SLC24A2: variants seen among roughly 807,000 people sequenced by gnomAD.
SLC24A2 encodes sodium/potassium/calcium exchanger 2.
A neutral mutation model predicts 62.0 loss-of-function variants in SLC24A2; 36 were observed. The observed-to-expected ratio is 0.58, with a 90% CI of 0.44 to 0.77. SLC24A2 has a LOEUF of 0.77. Ranked by LOEUF, SLC24A2 falls within the 30% of genes least tolerant of loss-of-function variation. The pLI, the probability that SLC24A2 is intolerant of heterozygous loss-of-function variation, is 0.00. For synonymous variants in SLC24A2, 358 were observed against 294.0 expected (o/e 1.22, Z -2.23); for missense variants, 846 against 817.9 (o/e 1.03, Z -0.42).
At chr9:19,700,004 G>A (rs574905417) in intron 2 of SLC24A2, among the ~76,000 whole-genome samples, 19 of 152,226 alleles carry the variant, frequency 1.2e-4, no homozygotes, top group Non-Finnish European at 2.6e-4. Flanking sequence ...GGGCAAAAGA[G>A]TCCCGAGCCT....
At chr9:19,756,903 C>CTTTTTTTTTTTTTTTTTTTTTTTTT (rs780450451) in intron 2 of SLC24A2, among the ~76,000 whole-genome samples, 2 of 78,536 alleles carry the variant, frequency 2.5e-5, no homozygotes, top group Non-Finnish European at 4.5e-5. Context: ...TTTACTGAAG[C>CTTTTTTTTTTTTTTTTTTTTTTTTT]TTTTTTTTTT....
At chr9:19,894,135 G>A in the SLC24A2 span, among the ~76,000 whole-genome samples, 1 of 152,220 alleles carries the variant, frequency 6.6e-6, no homozygotes, top group East Asian at 1.9e-4. Context: ...GAAAAGGGAT[G>A]TTGAAAGACA....
chr9:19,676,197 C>A (rs1344878428), intron 2 of SLC24A2, among the ~76,000 whole-genome samples: 1 of 152,212 alleles, frequency 6.6e-6, no homozygotes, highest in Non-Finnish European at 1.5e-5. Context: ...TTCACACTTT[C>A]ACACTTCAGG....
the SLC24A2 span, among the ~76,000 whole-genome samples, chr9:19,857,450 A>G: frequency 1.3e-5 from 2 of 152,206 alleles, no homozygotes; most frequent in Admixed American, 1.3e-4. Context: ...TTTGAGGGCC[A>G]TTATTCAGTC....
chr9:19,709,881 C>T (rs1247494637), intron 2 of SLC24A2, among the ~76,000 whole-genome samples: 2 of 151,028 alleles, frequency 1.3e-5, no homozygotes, highest in African/African-American at 4.9e-5. Flanking sequence ...GCACATGTAC[C>T]CTAAAGCTTA....
chr9:20,186,927 G>A, the SLC24A2 span, among the ~76,000 whole-genome samples: 1 of 152,102 alleles, frequency 6.6e-6, no homozygotes, highest in South Asian at 2.1e-4. Flanking sequence ...GTGTGGGTGG[G>A]AGTGGAGCAT....
chr9:20,288,575 C>A, the SLC24A2 span, among the ~76,000 whole-genome samples: 1 of 151,932 alleles, frequency 6.6e-6, no homozygotes, highest in Non-Finnish European at 1.5e-5. Context: ...TTGAGACCAG[C>A]CTGGCCAATA....
intron 2 of SLC24A2, among the ~76,000 whole-genome samples, chr9:19,665,289 G>A (rs1223713855): frequency 6.6e-6 from 1 of 152,178 alleles, no homozygotes; most frequent in African/African-American, 2.4e-5. Context: ...GGTGGCAGTG[G>A]AGATGAGAAG....
rs115998308 is a variant in SLC24A2, at chr9:19,669,012, C to T, written c.931-46713G>A. On this transcript the variant is annotated intron_variant, in intron 2 of 10. Transcript: ENST00000341998. The stretch of plus-strand genomic sequence containing the variant: ...GAAGGTTTTATAAATATTCTTGCTC[C>T]CTCGGCACTTGGCCTGGTAATTTGA... 6.8e-3 allele frequency among the ~76,000 whole-genome samples: 1,035 copies of T among 152,206 alleles called. 12 individuals are homozygous for T. Among genetic ancestry groups the T allele is most frequent in the African/African-American group, 0.022 (896 of 41,522 alleles).
At chr9:20,082,534 C>A in the SLC24A2 span, among the ~76,000 whole-genome samples, 4 of 152,242 alleles carry the variant, frequency 2.6e-5, no homozygotes, top group Non-Finnish European at 4.4e-5. Context: ...ATCCCACCAG[C>A]CTCCCATGCT....
chr9:20,259,513 G>A, the SLC24A2 span, among the ~76,000 whole-genome samples: 1 of 152,088 alleles, frequency 6.6e-6, no homozygotes, highest in African/African-American at 2.4e-5. Flanking sequence ...TAGGAGATGA[G>A]CAGTGGTTGA....
chr9:19,678,327 T>G (rs1008363952), intron 2 of SLC24A2, among the ~76,000 whole-genome samples: 52 of 152,188 alleles, frequency 3.4e-4, no homozygotes, highest in African/African-American at 1.3e-3. Flanking sequence ...GTAAGAAGCT[T>G]TGCACCTCAT....
the SLC24A2 span, among the ~76,000 whole-genome samples, chr9:19,852,311 C>A: frequency 6.6e-6 from 1 of 152,156 alleles, no homozygotes. Context: ...TGCGTAGAAG[C>A]TCTTTAGTTT....
chr9:19,789,979 A>G (rs1823290657), upstream of SLC24A2, among the ~76,000 whole-genome samples: 1 of 152,178 alleles, frequency 6.6e-6, no homozygotes, highest in Admixed American at 6.5e-5. Context: ...GACTTAGAGT[A>G]CAGCTCTGTA....
chr9:20,135,712 G>T, the SLC24A2 span, among the ~76,000 whole-genome samples: 13 of 152,092 alleles, frequency 8.5e-5, no homozygotes, highest in Middle Eastern at 3.4e-3. Flanking sequence ...TTATGTGCTC[G>T]AACTAGTTTT....
intron 2 of SLC24A2, among the ~76,000 whole-genome samples, chr9:19,769,406 C>A (rs2118885986): frequency 6.6e-6 from 1 of 152,366 alleles, no homozygotes; most frequent in Admixed American, 6.5e-5. Context: ...TGCTCACACA[C>A]TTGACCCTAC....
intron 7 of SLC24A2, among the ~76,000 whole-genome samples, chr9:19,553,457 T>G (rs1414538763): frequency 6.6e-6 from 1 of 152,210 alleles, no homozygotes; most frequent in Non-Finnish European, 1.5e-5. Context: ...TTAAAATAGT[T>G]TGATATCTGC....
At chr9:19,737,027 G>A (rs1821531054) in intron 2 of SLC24A2, among the ~76,000 whole-genome samples, 1 of 152,158 alleles carries the variant, frequency 6.6e-6, no homozygotes, top group Non-Finnish European at 1.5e-5. Flanking sequence ...CTTCTGCCAG[G>A]AATTGATAGA....
chr9:19,689,585 G>T (rs1267029754), intron 2 of SLC24A2, among the ~76,000 whole-genome samples: 2 of 152,102 alleles, frequency 1.3e-5, no homozygotes, highest in African/African-American at 2.4e-5. Context: ...TTGACATGCT[G>T]GGGAAAGGGC....
Sources: gnomAD v4.1 joint callset for allele counts (sites outside exome capture counted in the v4.1 genomes callset) on GRCh38, gnomAD v4.1.1 for gene constraint, MANE v1.5 for transcripts, NCBI Gene and HGNC (gene_info 2026-07-23, HGNC 2026-07-21) for gene names.